DOCK9: variants seen among roughly 807,000 people sequenced by gnomAD.
DOCK9 encodes dedicator of cytokinesis 9.
A neutral mutation model predicts 263.3 loss-of-function variants in DOCK9; 89 were observed. The ratio of observed to expected loss-of-function variants is 0.34; its 90% CI spans 0.28 to 0.40. The LOEUF (loss-of-function observed/expected upper bound fraction) is 0.40, where lower values mean the gene tolerates loss of function less well. Ranked by LOEUF, DOCK9 falls within the 10% of genes least tolerant of loss-of-function variation. The probability of loss-of-function intolerance (pLI) is 1.00; values close to 1 mark genes in which losing one functional copy is unlikely to be tolerated. For missense variants in DOCK9, 2,140 were observed against 2,603.4 expected, an observed-to-expected ratio of 0.82 and a Z score of 3.87; for synonymous variants, 976 against 973.1, an observed-to-expected ratio of 1.00 and a Z score of -0.06.
intron 15 of DOCK9, 27 bp downstream of exon 15, chr13:98,897,461 G>T: frequency 6.2e-7 from 1 of 1,611,824 alleles, no homozygotes; most frequent in Middle Eastern, 1.7e-4. Flanking sequence ...TATTTTTCAG[G>T]TGTGGAAATA....
At position 98,827,461 on chromosome 13, in the gene DOCK9, AAGACAGCTGTT is replaced by A. The variant is rs543708185; in HGVS notation, c.4966-585_4966-575del. 5.4e-3 allele frequency among the ~76,000 whole-genome samples: 827 copies of A among 152,372 alleles called. 3 individuals are homozygous for A. The highest frequency in any genetic ancestry group is 8.6e-3 in the Non-Finnish European group (586 of 68,040). On this transcript the variant is annotated intron_variant, in intron 43 of 52. Coordinates refer to ENST00000682017, the MANE Select transcript of DOCK9 (RefSeq NM_001366683.2). ...AATTGCCATGGTGTTATAAAGATCAAAGACAGCTGTTAGAAGCGAACCCCCTGCAAGGTTCT... is the reference window on the plus strand; with the variant it reads ...AATTGCCATGGTGTTATAAAGATCAAAGAAGCGAACCCCCTGCAAGGTTCT...
intron 9 of DOCK9, among the ~76,000 whole-genome samples, chr13:98,910,397 T>C (rs923895475): frequency 6.6e-6 from 1 of 152,278 alleles, no homozygotes. Flanking sequence ...TTAGGGTAAA[T>C]ACAGTGTGTT....
At chr13:99,002,860 A>T (rs1286388483) in intron 1 of DOCK9, among the ~76,000 whole-genome samples, 1 of 152,218 alleles carries the variant, frequency 6.6e-6, no homozygotes, top group Non-Finnish European at 1.5e-5. Context: ...GATTTTAAAC[A>T]GTATTTACAC....
chr13:98,914,309 A>G lies in DOCK9; in HGVS notation c.960+19T>C. The G allele has an allele frequency of 2.5e-6, 4 of 1,600,444 alleles. No individual in the cohort carries two copies. Among genetic ancestry groups the G allele is most frequent in the Non-Finnish European group, 3.4e-6 (4 of 1,172,328 alleles). The stretch of plus-strand genomic sequence containing the variant: ...TCAACAGCATTCAACGAAGAGCAGA[A>G]GATATAAGACGATGTTACCTTGGCA... On this transcript the variant is annotated intron_variant, in intron 9 of 52. Coordinates refer to ENST00000682017, the MANE Select transcript of DOCK9 (RefSeq NM_001366683.2).
At chr13:98,958,872 A>T (rs181438200) in intron 1 of DOCK9, among the ~76,000 whole-genome samples, 25 of 152,342 alleles carry the variant, frequency 1.6e-4, no homozygotes, top group African/African-American at 5.8e-4. Flanking sequence ...GTTTGATAAT[A>T]AAAATATTCA....
At position 98,914,461 on chromosome 13, in the gene DOCK9, A is replaced by G. The variant is rs1436632947; in HGVS notation, c.893-66T>C. On this transcript the variant is annotated intron_variant, in intron 8 of 52. Transcript: ENST00000682017. ...ATAGCATTTCATTTGAAACAGGAGG[A>G]GGAAGGCCGTTTCTCTTAGGTGCCT... 5 of 1,442,264 alleles carry G rather than the reference A, an allele frequency of 3.5e-6. No individual in the cohort carries two copies. The East Asian group carries it at 1.2e-4, about 35-fold the overall frequency. The allele number at this position is 1,442,264 out of a possible 1,614,324, so 89.3% of individuals were successfully genotyped here. A position where few individuals can be genotyped will look rare whatever the true frequency, so the allele number is the denominator to read the frequency against.
chr13:98,903,937 A>G (rs1197144763), intron 10 of DOCK9, among the ~76,000 whole-genome samples: 1 of 152,218 alleles, frequency 6.6e-6, no homozygotes, highest in Non-Finnish European at 1.5e-5. Context: ...AGGCAGGTTC[A>G]CAGAGTAGAA....
At chr13:98,872,922 C>A (rs2094225492) in intron 27 of DOCK9, among the ~76,000 whole-genome samples, 1 of 152,188 alleles carries the variant, frequency 6.6e-6, no homozygotes, top group South Asian at 2.1e-4. Context: ...TGCCTCCATG[C>A]CTCACATGGC....
In DOCK9 at chr13:98,865,446, G is replaced by A. The variant is rs1594789917; in HGVS notation, c.3287-1898C>T. Among the ~76,000 whole-genome samples the A allele has an allele frequency of 2.6e-5, 4 of 152,140 alleles. No homozygotes were observed. In the South Asian group the frequency reaches 6.2e-4, roughly 24 times the overall value. On this transcript the variant is annotated intron_variant, in intron 30 of 52. Coordinates refer to ENST00000682017, the MANE Select transcript of DOCK9 (RefSeq NM_001366683.2). Reference sequence around the variant, plus strand: ...AATAGACTAACACAAGAAAGGAGGTGAAGGCAGGGGTGGGAGGTAAGTGAG... The same window carrying A: ...AATAGACTAACACAAGAAAGGAGGTAAAGGCAGGGGTGGGAGGTAAGTGAG...
chr13:99,038,295 T>TCAC (rs1387008734), intron 1 of DOCK9, among the ~76,000 whole-genome samples: 29 of 70,280 alleles, frequency 4.1e-4, no homozygotes, highest in African/African-American at 1.4e-3. Context: ...CCCCTTTTTT[T>TCAC]TTTTTTTTTT....
intron 1 of DOCK9, among the ~76,000 whole-genome samples, chr13:99,022,817 A>C (rs539896662): frequency 1.4e-4 from 21 of 152,264 alleles, no homozygotes; most frequent in African/African-American, 4.8e-4. Flanking sequence ...ATGTGATGTC[A>C]CAAGCCTGTA....
At chr13:99,070,058 G>GT (rs1453041144) in intron 1 of DOCK9, among the ~76,000 whole-genome samples, 2 of 152,082 alleles carry the variant, frequency 1.3e-5, no homozygotes, top group East Asian at 3.8e-4. Context: ...CAAATGCAAA[G>GT]TTGCATTGTT....
At chr13:99,000,528 C>A (rs1194755889) in intron 1 of DOCK9, among the ~76,000 whole-genome samples, 1 of 152,126 alleles carries the variant, frequency 6.6e-6, no homozygotes, top group Non-Finnish European at 1.5e-5. Flanking sequence ...ATGCCCTCCA[C>A]AGTTAAACAT....
intron 30 of DOCK9, among the ~76,000 whole-genome samples, chr13:98,863,847 T>G (rs546773255): frequency 6.6e-6 from 1 of 152,300 alleles, no homozygotes; most frequent in East Asian, 1.9e-4. Context: ...AGTACCAATT[T>G]TTAGACTAGA....
At chr13:99,069,653 T>C (rs1324190258) in intron 1 of DOCK9, among the ~76,000 whole-genome samples, 1 of 152,222 alleles carries the variant, frequency 6.6e-6, no homozygotes, top group Non-Finnish European at 1.5e-5. Context: ...TCTGCAAAAT[T>C]AGGAAGCTGG....
intron 15 of DOCK9, among the ~76,000 whole-genome samples, chr13:98,894,139 T>C (rs1402302637): frequency 8.5e-5 from 13 of 152,192 alleles, no homozygotes; most frequent in East Asian, 1.9e-4. Flanking sequence ...GACAGGACCA[T>C]GCACTGGGGC....
At chr13:98,828,753 AACTGGCTC>A (rs1371680572) in intron 43 of DOCK9, among the ~76,000 whole-genome samples, 1 of 152,198 alleles carries the variant, frequency 6.6e-6, no homozygotes, top group Non-Finnish European at 1.5e-5. Context: ...GGGGTTAAAA[AACTGGCTC>A]AATGTCACAG....
At chr13:98,857,257 A>G (rs2093729433) in intron 33 of DOCK9, 1 of 152,230 alleles carries the variant, frequency 6.6e-6, no homozygotes, top group Admixed American at 6.5e-5. Flanking sequence ...GGCACTTCAC[A>G]ACAGGCTGGT....
At chr13:98,837,391 T>C (rs1391128446) in intron 39 of DOCK9, 103 bp downstream of exon 39, 8 of 731,758 alleles carry the variant, frequency 1.1e-5, no homozygotes, top group Non-Finnish European at 1.9e-5. Context: ...AAATAATTGC[T>C]GAAGTAAAAA....
Sources: gnomAD v4.1 joint callset for allele counts (sites outside exome capture counted in the v4.1 genomes callset) on GRCh38, gnomAD v4.1.1 for gene constraint, MANE v1.5 for transcripts, NCBI Gene and HGNC (gene_info 2026-07-23, HGNC 2026-07-21) for gene names.